The following MAP3K13 variants were observed in gnomAD, a reference collection of about 807,000 sequenced individuals.
MAP3K13 encodes the protein mitogen-activated protein kinase kinase kinase 13, also known as leucine zipper-bearing kinase.
In MAP3K13, 52 loss-of-function variants were observed where a neutral mutation model predicts 104.0. The ratio of observed to expected loss-of-function variants is 0.50; its 90% CI spans 0.40 to 0.63. MAP3K13 has a LOEUF of 0.63. Ranked by LOEUF, MAP3K13 falls within the 20% of genes least tolerant of loss-of-function variation. MAP3K13 has a pLI of 0.00. For missense variants in MAP3K13, 914 were observed against 1,218.5 expected (o/e 0.75, Z 3.72); for synonymous variants, 394 against 442.2 (o/e 0.89, Z 1.37).
intron 1 of MAP3K13, among the ~76,000 whole-genome samples, chr3:185,398,347 A>G (rs1712548622): frequency 6.6e-6 from 1 of 152,194 alleles, no homozygotes; most frequent in Admixed American, 6.5e-5. Context: ...ACAAAAAAAA[A>G]TTTCAAACTT....
intron 2 of MAP3K13, among the ~76,000 whole-genome samples, chr3:185,307,546 C>CCCCCCCCCCA (rs58408265): frequency 1.7e-4 from 18 of 104,068 alleles, no homozygotes; most frequent in South Asian, 7.7e-4. Flanking sequence ...GCACCACCCC[C>CCCCCCCCCCA]TCCCCCGCCA....
intron 1 of MAP3K13, among the ~76,000 whole-genome samples, chr3:185,379,965 C>T (rs539006904): frequency 3.3e-4 from 50 of 152,156 alleles, no homozygotes; most frequent in Admixed American, 6.5e-4. Flanking sequence ...GCGGGTGGAT[C>T]ACCTGAGGTC....
chr3:185,322,112 T>A (rs913683841), intron 2 of MAP3K13, among the ~76,000 whole-genome samples: 2 of 152,214 alleles, frequency 1.3e-5, no homozygotes, highest in Non-Finnish European at 2.9e-5. Flanking sequence ...CATTTTTCAT[T>A]CTGTTTCAAT....
intron 1 of MAP3K13, among the ~76,000 whole-genome samples, chr3:185,369,975 G>A (rs1280581372): frequency 1.3e-5 from 2 of 152,180 alleles, no homozygotes; most frequent in Non-Finnish European, 2.9e-5. Flanking sequence ...TCCTTAGCAA[G>A]GCAGTTACCC....
intron 2 of MAP3K13, chr3:185,329,391 T>C (rs1193637006): frequency 1.8e-6 from 1 of 546,660 alleles, no homozygotes; most frequent in Non-Finnish European, 3.3e-6. Flanking sequence ...TCTCAGATCA[T>C]TAAATTGGAG....
intron 7 of MAP3K13, among the ~76,000 whole-genome samples, chr3:185,454,610 T>TAG (rs1716210264): frequency 2.7e-5 from 2 of 72,786 alleles, no homozygotes; most frequent in Non-Finnish European, 5.5e-5. Context: ...ATGAGATATA[T>TAG]ATGATATATA....
Position 185,482,096 on chromosome 3 carries a change from TAAGTA to T in MAP3K13, c.2800-253_2800-249del, listed in dbSNP as rs1406649313. Among the ~76,000 whole-genome samples, 1 of 152,190 alleles carries T rather than the reference TAAGTA, an allele frequency of 6.6e-6. No homozygotes were observed. Among genetic ancestry groups the T allele is most frequent in the African/African-American group, 2.4e-5 (1 of 41,458 alleles). ...GAGACTCCATCTCTAAATAAATAAA[TAAGTA>T]AAGTACTTACAACAGTGCCTGGAGC... On this transcript the variant is annotated intron_variant, in intron 13 of 13. Transcript: ENST00000265026. This position sits in a 1 kb window ranked among gnomAD's most constrained non-coding sequence, Gnocchi z 4.5.
chr3:185,354,244 T>C (rs1388914140), intron 2 of MAP3K13, among the ~76,000 whole-genome samples: 2 of 151,386 alleles, frequency 1.3e-5, no homozygotes, highest in Non-Finnish European at 2.9e-5. Flanking sequence ...GGACAGGACA[T>C]ATCTATCTGC....
intron 2 of MAP3K13, among the ~76,000 whole-genome samples, chr3:185,309,534 AG>A (rs1458736055): frequency 2.6e-5 from 4 of 151,890 alleles, no homozygotes; most frequent in African/African-American, 4.8e-5. Flanking sequence ...AAAAAAAGAA[AG>A]AAAAAAGAAA....
At chr3:185,312,452 T>C (rs1284206578) in intron 2 of MAP3K13, among the ~76,000 whole-genome samples, 2 of 152,172 alleles carry the variant, frequency 1.3e-5, no homozygotes, top group Non-Finnish European at 2.9e-5. Flanking sequence ...AGGATTCTGT[T>C]GGGGATTTTA....
intron 2 of MAP3K13, among the ~76,000 whole-genome samples, chr3:185,314,713 G>A (rs1159725515): frequency 6.6e-6 from 1 of 152,044 alleles, no homozygotes; most frequent in Non-Finnish European, 1.5e-5. Flanking sequence ...TAGAACTTCA[G>A]GGCTCAGGTG....
chr3:185,391,958 T>C (rs1002858069), intron 1 of MAP3K13, among the ~76,000 whole-genome samples: 4 of 152,166 alleles, frequency 2.6e-5, no homozygotes, highest in Admixed American at 1.3e-4. Context: ...GGGTAGGTCA[T>C]AGTCCTTGAG....
chr3:185,303,521 T>G (rs1299031830), intron 2 of MAP3K13, among the ~76,000 whole-genome samples: 4 of 148,516 alleles, frequency 2.7e-5, no homozygotes, highest in African/African-American at 1.0e-4. Flanking sequence ...TCTTTTCCAA[T>G]TTTTTTTTTT....
rs1386598232 is a variant in MAP3K13, at chr3:185,473,201, G to T, written c.1870G>T (p.Ala624Ser). ...ACCCCATCCCACTTACCTGCACCAA[G>T]CTCAATCCCAATACCCTTCTCTTCA... ...NSPHPTYLHQ[A>S]QSQYPSLHHH... The change falls in exon 11 of 14, where the codon GCT becomes TCT. Residue 624 changes from alanine to serine, a missense_variant. By Grantham distance (99) the Ala-to-Ser change is moderately conservative. Transcript: ENST00000265026. The surrounding 1 kb of genome is among the most constrained non-coding windows in gnomAD (Gnocchi z 4.9). 6.2e-7 allele frequency: 1 copy of T among 1,614,030 alleles called. No individual in the cohort carries two copies. The highest frequency in any genetic ancestry group is 8.5e-7 in the Non-Finnish European group (1 of 1,180,034).
intron 7 of MAP3K13, 129 bp from the exon 8 acceptor site, chr3:185,463,421 G>T: frequency 3.4e-6 from 2 of 585,184 alleles, no homozygotes; most frequent in Non-Finnish European, 3.2e-6. Flanking sequence ...CATATTTATT[G>T]AACATCTATT....
chr3:185,418,523 G>C lies in MAP3K13; in HGVS notation c.-85-9974G>C. 6.2e-7 allele frequency: 1 copy of C among 1,612,072 alleles called. No individual in the cohort carries two copies. The highest frequency in any genetic ancestry group is 1.7e-5 in the Admixed American group (1 of 60,020). ...TTTCCAAAAGCACCCTGGCCAGAGC[G>C]GTGAGTCCCACCACCTCGAACTCTG... On this transcript the variant is annotated intron_variant, in intron 1 of 13. Coordinates refer to ENST00000265026, the MANE Select transcript of MAP3K13 (RefSeq NM_004721.5). The surrounding 1 kb of genome is among the most constrained non-coding windows in gnomAD (Gnocchi z 4.5).
intron 2 of MAP3K13, among the ~76,000 whole-genome samples, chr3:185,290,768 T>C (rs1034245905): frequency 1.5e-4 from 23 of 152,222 alleles, no homozygotes; most frequent in Admixed American, 1.5e-3. Flanking sequence ...ATAAAGTGTC[T>C]AGAGCAGTGC....
At chr3:185,308,805 C>T (rs1721395998) in intron 2 of MAP3K13, among the ~76,000 whole-genome samples, 1 of 152,190 alleles carries the variant, frequency 6.6e-6, no homozygotes. Context: ...TTATGTAGGG[C>T]TGGACTGGCT....
chr3:185,363,522 C>T (rs1723734656), intron 1 of MAP3K13, among the ~76,000 whole-genome samples, 154 bp downstream of exon 1: 1 of 152,104 alleles, frequency 6.6e-6, no homozygotes, highest in African/African-American at 2.4e-5. Context: ...AACCCGAAAC[C>T]CCGTTACAGC....
Sources: gnomAD v4.1 joint callset for allele counts (sites outside exome capture counted in the v4.1 genomes callset) on GRCh38, gnomAD v4.1.1 for gene constraint, Gnocchi (gnomAD v3.1) non-coding constraint, MANE v1.5 for transcripts, NCBI Gene and HGNC (gene_info 2026-07-23, HGNC 2026-07-21) for gene names.